The following NDUFAF2 variants were observed in gnomAD, a reference collection of about 807,000 sequenced individuals.
NDUFAF2 encodes the protein NADH:ubiquinone oxidoreductase complex assembly factor 2.
Under a neutral mutation model 22.8 loss-of-function variants are expected in NDUFAF2, and 13 were observed. That is an observed-to-expected ratio of 0.57 (90% CI 0.37 to 0.91). The LOEUF (loss-of-function observed/expected upper bound fraction) is 0.91. Ranked by LOEUF, NDUFAF2 falls within the 40% of genes least tolerant of loss-of-function variation. The pLI is 0.01. For missense variants in NDUFAF2, 162 were observed against 195.2 expected, an observed-to-expected ratio of 0.83 and a Z score of 1.01; for synonymous variants, 53 against 64.2, an observed-to-expected ratio of 0.83 and a Z score of 0.84.
rs565980997 is a variant in NDUFAF2, at chr5:60,996,642, C to T, written c.127+51260C>T. Among the ~76,000 whole-genome samples the T allele has an allele frequency of 3.3e-5, 5 of 152,322 alleles. No homozygotes were observed. The South Asian group carries it at 1.0e-3, about 32-fold the overall frequency. ...CAATCCTTATGGCCTAGACTGCCTT[C>T]AAGCTTACTTGGAGACAAGAGTGCT... On this transcript the variant is annotated intron_variant, in intron 1 of 3. Coordinates refer to ENST00000296597, the MANE Select transcript of NDUFAF2 (RefSeq NM_174889.5).
intron 1 of NDUFAF2, among the ~76,000 whole-genome samples, chr5:61,040,286 A>ACACACACACGCGCGCGCGCGCG (rs1491193758): frequency 1.9e-4 from 18 of 93,068 alleles, no homozygotes; most frequent in African/African-American, 6.5e-4. Context: ...ACACACACAC[A>ACACACACACGCGCGCGCGCGCG]CGCGCGCGCG....
intron 3 of NDUFAF2, among the ~76,000 whole-genome samples, chr5:61,129,996 AAAAG>A (rs1334999692): frequency 6.6e-6 from 1 of 152,118 alleles, no homozygotes; most frequent in Non-Finnish European, 1.5e-5. Context: ...AACTTAGTAT[AAAAG>A]AAAAGAAACA....
rs1451189357 is a variant in NDUFAF2, at chr5:61,070,624, C to CACAT, written c.128-2498_128-2497insTACA. 3.3e-5 allele frequency among the ~76,000 whole-genome samples: 5 copies of CACAT among 151,708 alleles called. 1 individual carries two copies. The highest frequency in any genetic ancestry group is 2.6e-4 in the Admixed American group (4 of 15,218). The stretch of plus-strand genomic sequence containing the variant: ...ACACACACACACACACACACACACA[C>CACAT]ACACGCACTCACATACACACAAATA... On this transcript the variant is annotated intron_variant, in intron 1 of 3. Coordinates refer to ENST00000296597, the MANE Select transcript of NDUFAF2 (RefSeq NM_174889.5).
chr5:61,084,438 T>G (rs1752481340), intron 2 of NDUFAF2, among the ~76,000 whole-genome samples: 1 of 145,220 alleles, frequency 6.9e-6, no homozygotes, highest in Non-Finnish European at 1.6e-5. Context: ...CTTCCCAAAC[T>G]GAAACTTCAT....
intron 3 of NDUFAF2, among the ~76,000 whole-genome samples, chr5:61,108,119 G>A (rs549955652): frequency 1.0e-4 from 15 of 149,006 alleles, no homozygotes; most frequent in Non-Finnish European, 2.1e-4. Flanking sequence ...ATTTGGGTTG[G>A]TTCCAAGTCT....
At chr5:61,038,115 A>AGAGAGAGG (rs1491073520) in intron 1 of NDUFAF2, among the ~76,000 whole-genome samples, 1 of 145,120 alleles carries the variant, frequency 6.9e-6, no homozygotes, top group African/African-American at 2.5e-5. Context: ...AGAGAGAGAG[A>AGAGAGAGG]GGGAGAGAGA....
chr5:61,126,958 C>T (rs1753044301), intron 3 of NDUFAF2, among the ~76,000 whole-genome samples: 1 of 152,052 alleles, frequency 6.6e-6, no homozygotes, highest in African/African-American at 2.4e-5. Flanking sequence ...GGGGATATCA[C>T]CACCGATCCC....
chr5:60,976,101 G>A (rs1750898587), intron 1 of NDUFAF2, among the ~76,000 whole-genome samples: 1 of 152,056 alleles, frequency 6.6e-6, no homozygotes, highest in Non-Finnish European at 1.5e-5. Context: ...GGGTTTCCAT[G>A]TAATATTTTC....
chr5:60,980,949 C>T (rs1461815105), intron 1 of NDUFAF2, among the ~76,000 whole-genome samples: 2 of 151,704 alleles, frequency 1.3e-5, no homozygotes, highest in East Asian at 3.9e-4. Flanking sequence ...TAGAATGTAG[C>T]CTCATAAGGG....
intron 2 of NDUFAF2, among the ~76,000 whole-genome samples, chr5:61,081,400 A>C (rs1752441071): frequency 6.6e-6 from 1 of 152,192 alleles, no homozygotes; most frequent in African/African-American, 2.4e-5. Context: ...TTGGAAAAAT[A>C]AGTTACTGAA....
Position 61,033,672 on chromosome 5 carries a change from C to T in NDUFAF2, c.128-39453C>T, listed in dbSNP as rs376140972. Among the ~76,000 whole-genome samples, 140 of 152,006 alleles carry T rather than the reference C, an allele frequency of 9.2e-4. No individual in the cohort carries two copies. In the South Asian group the frequency reaches 1.0e-2, roughly 11 times the overall value. ...ATTCATGTTGTTTTGGCTATAGTAA[C>T]GTTAAACTCTCCTTAGGTAGAATAT... On this transcript the variant is annotated intron_variant, in intron 1 of 3. Coordinates refer to ENST00000296597, the MANE Select transcript of NDUFAF2 (RefSeq NM_174889.5).
At chr5:61,115,875 A>G (rs188585905) in intron 3 of NDUFAF2, 4 of 152,330 alleles carry the variant, frequency 2.6e-5, no homozygotes, top group Admixed American at 2.6e-4. Flanking sequence ...TCCCTTTGTG[A>G]TATCGTACAA....
At chr5:61,133,915 C>T (rs1753142779) in intron 3 of NDUFAF2, among the ~76,000 whole-genome samples, 1 of 152,182 alleles carries the variant, frequency 6.6e-6, no homozygotes, top group Non-Finnish European at 1.5e-5. Flanking sequence ...TTACCCTCTG[C>T]CCTAGCAATC....
At chr5:61,123,092 C>T (rs2111801415) in intron 3 of NDUFAF2, among the ~76,000 whole-genome samples, 1 of 152,270 alleles carries the variant, frequency 6.6e-6, no homozygotes, top group Non-Finnish European at 1.5e-5. Context: ...TCCCAGCACC[C>T]AGAGCAGTGA....
chr5:61,072,416 A>G (rs775405418), intron 1 of NDUFAF2, among the ~76,000 whole-genome samples: 44 of 152,268 alleles, frequency 2.9e-4, no homozygotes, highest in Admixed American at 1.7e-3. Flanking sequence ...ACAGCAATGA[A>G]TATCGATTTT....
At chr5:60,965,827 A>T (rs1750751864) in intron 1 of NDUFAF2, among the ~76,000 whole-genome samples, 1 of 152,150 alleles carries the variant, frequency 6.6e-6, no homozygotes, top group Non-Finnish European at 1.5e-5. Flanking sequence ...TACAGTGAAC[A>T]TGGGAGTGCA....
chr5:60,987,187 TA>T (rs1751093631), intron 1 of NDUFAF2, among the ~76,000 whole-genome samples: 1 of 152,122 alleles, frequency 6.6e-6, no homozygotes, highest in Admixed American at 6.5e-5. Context: ...AAGAAATGGC[TA>T]AATTCCTGGA....
chr5:60,972,017 A>G (rs1283453282), intron 1 of NDUFAF2, among the ~76,000 whole-genome samples: 1 of 139,516 alleles, frequency 7.2e-6, no homozygotes, highest in African/African-American at 2.7e-5. Context: ...ATCTAAGCTC[A>G]CTGCAACTGC....
intron 2 of NDUFAF2, among the ~76,000 whole-genome samples, chr5:61,091,167 T>C (rs1468961187): frequency 6.6e-6 from 1 of 152,224 alleles, no homozygotes; most frequent in Non-Finnish European, 1.5e-5. Flanking sequence ...TGTGTGTTTA[T>C]AATAGAATGA....
Sources: gnomAD v4.1 joint callset for allele counts (sites outside exome capture counted in the v4.1 genomes callset) on GRCh38, gnomAD v4.1.1 for gene constraint, MANE v1.5 for transcripts, NCBI Gene and HGNC (gene_info 2026-07-23, HGNC 2026-07-21) for gene names.